The following IL13RA2 variants were observed in gnomAD, a reference collection of about 807,000 sequenced individuals.
IL13RA2 encodes the protein interleukin-13 receptor subunit alpha-2.
A neutral mutation model predicts 34.1 loss-of-function variants in IL13RA2; 25 were observed. That is an observed-to-expected ratio of 0.73 (90% CI 0.53 to 1.03). The LOEUF is 1.03. Among genes scored for constraint, IL13RA2 ranks in the 50% least tolerant of loss-of-function variants. The probability of loss-of-function intolerance (pLI) is 0.00; values close to 1 mark genes in which losing one functional copy is unlikely to be tolerated. For synonymous variants in IL13RA2, 106 were observed against 100.4 expected, an observed-to-expected ratio of 1.06 and a Z score of -0.33; for missense variants, 297 against 280.9, an observed-to-expected ratio of 1.06 and a Z score of -0.41.
In IL13RA2 at chrX:115,015,763, C is replaced by T; in HGVS notation, c.153G>A (p.Leu51=). Residue 51 remains leucine, a synonymous_variant, in exon 3 of 10, where the codon TTG becomes TTA. Transcript: ENST00000243213. ...VDPGYLGYLY[L]QWQPPLSLDH... ...CCAGAGACAGTGGGGGTTGCCATTG[C>T]AAATAGAGATAACCTAAGTATCCGG... 4 of 1,188,083 alleles carry T rather than the reference C, an allele frequency of 3.4e-6. No individual in the cohort carries two copies. The highest frequency in any genetic ancestry group is 2.3e-6 in the Non-Finnish European group (2 of 874,040).
chrX:115,009,517 A>C lies in IL13RA2; in HGVS notation c.852+4T>G. 8.4e-7 allele frequency: 1 copy of C among 1,188,714 alleles called. No individual in the cohort carries two copies. The highest frequency in any genetic ancestry group is 1.1e-6 in the Non-Finnish European group (1 of 876,218). ...ATTTTCCCAAATAAATGCAATATTC[A>C]TACCACCAAGGTAGTATCATCTTCT... On this transcript the variant is annotated splice_donor_region_variant and intron_variant, in intron 7 of 9. Coordinates refer to ENST00000243213, the MANE Select transcript of IL13RA2 (RefSeq NM_000640.3).
chrX:115,017,278 G>A lies in IL13RA2; in HGVS notation c.-9C>T, dbSNP rs927544748. The A allele has an allele frequency of 5.2e-6, 4 of 763,073 alleles. No individual in the cohort carries two copies. In the African/African-American group the frequency reaches 8.3e-5, roughly 16 times the overall value. The allele number at this position is 763,073 out of a possible 1,213,427, so 62.9% of individuals were successfully genotyped here. ...AAGCAAACGAAAGCCATTTCTCCGA[G>A]ATTTAAAACCTTGATATTGCCTCTC... On this transcript the variant is annotated 5_prime_UTR_variant, in exon 2 of 10. Transcript: ENST00000243213.
chrX:115,013,816 T>C lies in IL13RA2; in HGVS notation c.474A>G (p.Lys158=). ...TATCAAGAAGTACACCTATGCCAGG[T>C]TTCCAAGAACAGAGTAAATATTGCC... is the stretch of plus-strand genomic sequence containing the variant. ...YNWQYLLCSW[K]PGIGVLLDTN... Residue 158 remains lysine (K), a synonymous_variant, in exon 5 of 10, where the codon AAA becomes AAG. Coordinates refer to ENST00000243213, the MANE Select transcript of IL13RA2 (RefSeq NM_000640.3). 9.5e-7 allele frequency: 1 copy of C among 1,050,295 alleles called. No individual in the cohort carries two copies. The highest frequency in any genetic ancestry group is 3.0e-5 in the East Asian group (1 of 32,853). The allele number at this position is 1,050,295 out of a possible 1,213,427, so 86.6% of individuals were successfully genotyped here.
Position 115,004,076 on chromosome X carries a change from G to A in IL13RA2, c.*4C>T. ...AATACCATGTCTCTTGATATGGAAAGTCTTCATGTATCACAGAAAAATTCT... is the reference window on the plus strand; with the variant it reads ...AATACCATGTCTCTTGATATGGAAAATCTTCATGTATCACAGAAAAATTCT... On this transcript the variant is annotated 3_prime_UTR_variant, in exon 10 of 10. Coordinates refer to ENST00000243213, the MANE Select transcript of IL13RA2 (RefSeq NM_000640.3). 1 of 1,052,440 alleles carries A rather than the reference G, an allele frequency of 9.5e-7. No homozygotes were observed. Among genetic ancestry groups the A allele is most frequent in the South Asian group, 1.9e-5 (1 of 51,694 alleles). 86.7% of individuals were successfully genotyped at this position (1,052,440 alleles called of 1,213,427 possible).
chrX:115,014,869 C>CA (rs2071720374), intron 3 of IL13RA2, among the ~76,000 whole-genome samples: 2 of 111,471 alleles, frequency 1.8e-5, no homozygotes, highest in Non-Finnish European at 3.8e-5. Flanking sequence ...TGCTTGGAAT[C>CA]AAATAGATAA....
chrX:115,015,847 TA>T (rs2071725195), intron 2 of IL13RA2, 26 bp from the exon 3 acceptor site: 2 of 1,047,042 alleles, frequency 1.9e-6, no homozygotes, highest in Non-Finnish European at 1.3e-6. Context: ...AAAACACTTT[TA>T]TTTTTTCTGT....
Position 115,014,527 on chromosome X carries a change from G to A in IL13RA2, c.294C>T (p.Asn98=). The A allele has an allele frequency of 1.7e-6, 2 of 1,188,416 alleles. No individual in the cohort carries two copies. Among genetic ancestry groups the A allele is most frequent in the South Asian group, 3.7e-5 (2 of 54,522 alleles). ...TGTGTATCTTCGCTTCAATGCCCTT[G>A]TTAAGATCAAACCCATCTTTGTAAT... ...NLHYKDGFDL[N]KGIEAKIHTL... Residue 98 remains asparagine, a synonymous_variant, in exon 4 of 10, where the codon AAC becomes AAT. Transcript: ENST00000243213.
At chrX:115,014,602 CA>C in intron 3 of IL13RA2, 28 bp from the exon 4 acceptor site, 1 of 1,120,572 alleles carries the variant, frequency 8.9e-7, no homozygotes, top group South Asian at 2.0e-5. Context: ...GAGACAAAGT[CA>C]AGCTTAGAAA....
At chrX:115,010,457 A>G (rs2071701680) in intron 6 of IL13RA2, among the ~76,000 whole-genome samples, 187 bp downstream of exon 6, 1 of 111,462 alleles carries the variant, frequency 9.0e-6, no homozygotes, top group African/African-American at 3.3e-5. Flanking sequence ...ATATTTAATA[A>G]GCGCCACCTC....
intron 2 of IL13RA2, 27 bp from the exon 3 acceptor site, chrX:115,015,848 A>AT (rs1556509863): frequency 1.9e-6 from 2 of 1,039,210 alleles, no homozygotes; most frequent in Non-Finnish European, 1.3e-6. Context: ...AAACACTTTT[A>AT]TTTTTTCTGT....
intron 7 of IL13RA2, among the ~76,000 whole-genome samples, chrX:115,008,901 G>C (rs2071695130): frequency 9.0e-6 from 1 of 111,410 alleles, no homozygotes; most frequent in Admixed American, 9.6e-5. Context: ...TACATACCTG[G>C]GATCTATACA....
intron 1 of IL13RA2, 77 bp downstream of exon 1, chrX:115,017,476 G>A: frequency 9.0e-6 from 3 of 334,733 alleles, no homozygotes; most frequent in South Asian, 5.2e-5. Context: ...CAATATAATT[G>A]GAAAGAAAGG....
rs1426599717 is a variant in IL13RA2, at chrX:115,009,553, T to C, written c.820A>G (p.Ile274Val). 8 of 1,198,283 alleles carry C rather than the reference T, an allele frequency of 6.7e-6. No individual in the cohort carries two copies. Among genetic ancestry groups the C allele is most frequent in the Admixed American group, 4.4e-5 (2 of 45,666 alleles). Residue 274 changes from isoleucine to valine, a missense_variant, in exon 7 of 10, where the codon ATT (isoleucine) becomes GTT (valine). Transcript: ENST00000243213. ...PIPARCFDYE[I>V]EIREDDTTLV... ...GTAGTATCATCTTCTCTGATCTCAA[T>C]TTCATAATCAAAACACCTTGCTGGA...
intron 8 of IL13RA2, among the ~76,000 whole-genome samples, chrX:115,005,812 T>C (rs895993090): frequency 1.2e-4 from 13 of 112,261 alleles, no homozygotes; most frequent in African/African-American, 4.2e-4. Context: ...TTGTCTCATA[T>C]TTTAAAGACC....
At chrX:115,014,639 A>C in intron 3 of IL13RA2, 65 bp from the exon 4 acceptor site, 1 of 760,929 alleles carries the variant, frequency 1.3e-6, no homozygotes, top group Non-Finnish European at 1.9e-6. Flanking sequence ...GAGCTATATT[A>C]ATAAGACTAA....
At chrX:115,015,026 T>C (rs1449264013) in intron 3 of IL13RA2, among the ~76,000 whole-genome samples, 3 of 111,212 alleles carry the variant, frequency 2.7e-5, no homozygotes, top group Non-Finnish European at 3.8e-5. Flanking sequence ...ACAAAAATCA[T>C]TTATTATTTA....
chrX:115,010,676 G>T lies in IL13RA2; in HGVS notation c.674C>A (p.Ser225Tyr). The T allele has an allele frequency of 1.0e-6, 1 of 992,707 alleles. No homozygotes were observed. The highest frequency in any genetic ancestry group is 1.4e-6 in the Non-Finnish European group (1 of 715,715). The allele number at this position is 992,707 out of a possible 1,213,427, so 81.8% of individuals were successfully genotyped here. A position where few individuals can be genotyped will look rare whatever the true frequency, so the allele number is the denominator to read the frequency against. The part of the protein sequence containing the change: ...NGSSENKPIR[S>Y]SYFTFQLQNI... Reference sequence around the variant, plus strand: ...TTGAAGCTGAAAAGTGAAATAACTGGATCTGATAGGCTTGTTCTCTGATGA... The same window carrying T: ...TTGAAGCTGAAAAGTGAAATAACTGTATCTGATAGGCTTGTTCTCTGATGA... The change falls in exon 6 of 10, where the codon TCC becomes TAC. Residue 225 changes from serine (S) to tyrosine (Y), a missense_variant. By Grantham distance (144) the Ser-to-Tyr change is moderately radical (BLOSUM62 -2). Coordinates refer to ENST00000243213, the MANE Select transcript of IL13RA2 (RefSeq NM_000640.3).
chrX:115,009,525 A>T lies in IL13RA2; in HGVS notation c.848T>A (p.Leu283Ter). 8.4e-7 allele frequency: 1 copy of T among 1,188,350 alleles called. No individual in the cohort carries two copies. The highest frequency in any genetic ancestry group is 1.1e-6 in the Non-Finnish European group (1 of 874,738). The change falls in exon 7 of 10, where the codon TTG becomes TAG. Residue 283 changes from leucine to a stop codon, truncating the protein, a stop_gained. Transcript: ENST00000243213. LOFTEE classifies it high-confidence loss of function. ...AAATAAATGCAATATTCATACCACC[A>T]AGGTAGTATCATCTTCTCTGATCTC... Reference protein sequence around the residue: ...EIEIREDDTTLVTATVENETY... With the variant: ...EIEIREDDTT
chrX:115,008,991 C>G (rs1346333280), intron 7 of IL13RA2, among the ~76,000 whole-genome samples: 3 of 111,610 alleles, frequency 2.7e-5, no homozygotes, highest in African/African-American at 9.8e-5. Context: ...CTCTCTACCA[C>G]TCTCTAAACT....
Sources: gnomAD v4.1 joint callset for allele counts (sites outside exome capture counted in the v4.1 genomes callset) on GRCh38, gnomAD v4.1.1 for gene constraint, MANE v1.5 for transcripts, NCBI Gene and HGNC (gene_info 2026-07-23, HGNC 2026-07-21) for gene names.